TIMP2: variants seen among roughly 807,000 people sequenced by gnomAD.
TIMP2 encodes metalloproteinase inhibitor 2.
TIMP2 carries 5 observed loss-of-function variants against 24.3 expected under a neutral mutation model. The observed-to-expected ratio is 0.21, with a 90% CI of 0.11 to 0.43. TIMP2 has a LOEUF of 0.43. TIMP2 is among the 20% of genes least tolerant of loss of function. The pLI is 1.00. For synonymous variants in TIMP2, 130 were observed against 123.2 expected (o/e 1.06, Z -0.37); for missense variants, 221 against 297.5 (o/e 0.74, Z 1.89).
intron 1 of TIMP2, among the ~76,000 whole-genome samples, chr17:78,886,302 A>G (rs889255158): frequency 2.0e-5 from 3 of 152,110 alleles, no homozygotes; most frequent in Admixed American, 2.0e-4. Flanking sequence ...ATGGAAACAA[A>G]AATAACCCAC....
chr17:78,889,615 T>C (rs980117443), intron 1 of TIMP2, among the ~76,000 whole-genome samples: 1 of 152,190 alleles, frequency 6.6e-6, no homozygotes, highest in Non-Finnish European at 1.5e-5. Context: ...CCAGTGTTTA[T>C]TTGGCTAAAA....
chr17:78,867,816 G>C (rs2069631582), intron 3 of TIMP2, among the ~76,000 whole-genome samples: 1 of 151,718 alleles, frequency 6.6e-6, no homozygotes, highest in African/African-American at 2.4e-5. Flanking sequence ...AGCCAGGATG[G>C]TCTCAATCTC....
intron 3 of TIMP2, among the ~76,000 whole-genome samples, chr17:78,869,159 G>C (rs958798273): frequency 6.6e-6 from 1 of 152,172 alleles, no homozygotes; most frequent in Non-Finnish European, 1.5e-5. Flanking sequence ...AGTGGCTCAC[G>C]CCTATAATCC....
At position 78,925,375 on chromosome 17, in the gene TIMP2, G is replaced by A. The variant is rs1271531944; in HGVS notation, c.-287C>T. 1 of 152,310 alleles carries A rather than the reference G, an allele frequency of 6.6e-6. No individual in the cohort carries two copies. Among genetic ancestry groups the A allele is most frequent in the Non-Finnish European group, 1.5e-5 (1 of 67,748 alleles). 9.4% of individuals were successfully genotyped at this position (152,310 alleles called of 1,614,324 possible). A position where few individuals can be genotyped will look rare whatever the true frequency, so the allele number is the denominator to read the frequency against. ...TCTCGGCGGCCGCGCTGCCTTCTAC[G>A]GATGTGTTTGCTGCGGGCTTGGGCC... On this transcript the variant is annotated 5_prime_UTR_variant, in exon 1 of 5. Coordinates refer to ENST00000262768, the MANE Select transcript of TIMP2 (RefSeq NM_003255.5).
intron 3 of TIMP2, among the ~76,000 whole-genome samples, chr17:78,868,681 C>T (rs1212260334): frequency 1.3e-5 from 2 of 152,226 alleles, no homozygotes; most frequent in East Asian, 3.9e-4. Flanking sequence ...TGGCTGTTTA[C>T]ATTTATACTA....
At chr17:78,913,047 A>T (rs971175302) in intron 1 of TIMP2, among the ~76,000 whole-genome samples, 2 of 152,186 alleles carry the variant, frequency 1.3e-5, no homozygotes, top group Middle Eastern at 3.2e-3. Flanking sequence ...TCTACTAAAA[A>T]TACAAAAATT....
chr17:78,866,404 AT>A (rs965719765), intron 3 of TIMP2, among the ~76,000 whole-genome samples: 1 of 150,184 alleles, frequency 6.7e-6, no homozygotes, highest in Admixed American at 6.6e-5. Context: ...TTTTTTTCTT[AT>A]TGTAAAAATC....
At chr17:78,909,600 C>T (rs934254118) in intron 1 of TIMP2, among the ~76,000 whole-genome samples, 4 of 151,924 alleles carry the variant, frequency 2.6e-5, no homozygotes, top group East Asian at 1.9e-4. Flanking sequence ...CCCGTGTGAC[C>T]GTGGGCAAAC....
At chr17:78,911,178 T>C (rs1394972022) in intron 1 of TIMP2, among the ~76,000 whole-genome samples, 7 of 152,138 alleles carry the variant, frequency 4.6e-5, no homozygotes, top group Non-Finnish European at 1.0e-4. Flanking sequence ...GGAAGAATGG[T>C]GGCAGAGGCG....
In TIMP2 at chr17:78,885,147, C is replaced by T. The variant is rs142496548; in HGVS notation, c.131-11228G>A. On this transcript the variant is annotated intron_variant, in intron 1 of 4. Transcript: ENST00000262768. ...ACAGGGCGACCCACGCACCACTGCT[C>T]AGCCACGGAGGCCTTCCTGGGTCCC... 6.6e-5 allele frequency among the ~76,000 whole-genome samples: 10 copies of T among 152,376 alleles called. No individual in the cohort carries two copies. In the East Asian group the frequency reaches 1.9e-3, roughly 29 times the overall value.
At chr17:78,879,893 G>A (rs561890124) in intron 1 of TIMP2, among the ~76,000 whole-genome samples, 15 of 137,426 alleles carry the variant, frequency 1.1e-4, no homozygotes, top group African/African-American at 2.4e-4. Flanking sequence ...AAACAATCCC[G>A]AGCGCACCCG....
intron 1 of TIMP2, chr17:78,903,296 G>T (rs1303098406): frequency 2.0e-5 from 3 of 152,552 alleles, no homozygotes; most frequent in African/African-American, 7.2e-5. Flanking sequence ...CAGGGGGCAA[G>T]CGTGTAGGTT....
At chr17:78,877,429 A>C (rs886236025) in intron 1 of TIMP2, among the ~76,000 whole-genome samples, 1 of 151,978 alleles carries the variant, frequency 6.6e-6, no homozygotes, top group Non-Finnish European at 1.5e-5. Flanking sequence ...AAATACAAAA[A>C]TCCCAGCCAC....
At position 78,925,112 on chromosome 17, in the gene TIMP2, C is replaced by A; in HGVS notation, c.-24G>T. ...ATGGCGGGCCGGGGGGCTGGGCGGG[C>A]GGGGGCCGCCGCTGGGGGGTCCGGG... On this transcript the variant is annotated 5_prime_UTR_variant, in exon 1 of 5. Transcript: ENST00000262768. 7.3e-5 allele frequency: 2 copies of A among 27,430 alleles called. No individual in the cohort carries two copies. The highest frequency in any genetic ancestry group is 6.6e-5 in the Non-Finnish European group (1 of 15,078). 1.7% of individuals were successfully genotyped at this position (27,430 alleles called of 1,614,324 possible).
chr17:78,892,240 T>C (rs1599161124), intron 1 of TIMP2: 1 of 1,550,870 alleles, frequency 6.4e-7, no homozygotes, highest in African/African-American at 1.4e-5. Flanking sequence ...CGAGATCGCC[T>C]TTGCCCCGGG....
chr17:78,924,521 A>C lies in TIMP2; in HGVS notation c.130+438T>G. ...AGCCCCAGCAGAGAAGCCCTTCCCC[A>C]CCCAGCCCCAAGCCCAGAGAAGCCC... is the stretch of plus-strand genomic sequence containing the variant. On this transcript the variant is annotated intron_variant, in intron 1 of 4. Transcript: ENST00000262768. This position sits in a 1 kb window ranked among gnomAD's most constrained non-coding sequence, Gnocchi z 5.3. Among the ~76,000 whole-genome samples the C allele has an allele frequency of 6.6e-6, 1 of 150,846 alleles. No individual in the cohort carries two copies. The highest frequency in any genetic ancestry group is 2.0e-4 in the East Asian group (1 of 5,076).
chr17:78,917,774 G>A (rs1293619171), intron 1 of TIMP2, among the ~76,000 whole-genome samples: 2 of 152,154 alleles, frequency 1.3e-5, no homozygotes, highest in East Asian at 1.9e-4. Flanking sequence ...TTTCCCCAGA[G>A]CTGGTTACAG....
At position 78,854,344 on chromosome 17, in the gene TIMP2, G is replaced by A. The variant is rs910072553; in HGVS notation, c.*1323C>T. Reference sequence around the variant, plus strand: ...CTGGCTTCAGGAAACCACACTGAGGGAACACATAGGTTCCCTAGTTCCCTA... The same window carrying A: ...CTGGCTTCAGGAAACCACACTGAGGAAACACATAGGTTCCCTAGTTCCCTA... On this transcript the variant is annotated 3_prime_UTR_variant, in exon 5 of 5. Coordinates refer to ENST00000262768, the MANE Select transcript of TIMP2 (RefSeq NM_003255.5). 27 of 151,838 alleles carry A rather than the reference G, an allele frequency of 1.8e-4. No homozygotes were observed. Among genetic ancestry groups the A allele is most frequent in the African/African-American group, 6.3e-4 (26 of 41,420 alleles). The allele number at this position is 151,838 out of a possible 1,614,324, so 9.4% of individuals were successfully genotyped here.
intron 1 of TIMP2, among the ~76,000 whole-genome samples, chr17:78,874,724 T>C (rs1473604436): frequency 6.6e-6 from 1 of 150,718 alleles, no homozygotes; most frequent in African/African-American, 2.5e-5. Context: ...ATTACAGGCG[T>C]CTGTCACCAC....
Sources: allele counts gnomAD v4.1 joint callset (sites outside exome capture counted in the v4.1 genomes callset), GRCh38; gene constraint gnomAD v4.1.1; non-coding constraint Gnocchi (gnomAD v3.1); transcripts MANE v1.5; gene names NCBI Gene and HGNC (gene_info 2026-07-23, HGNC 2026-07-21).